TMEM268: variants seen among roughly 807,000 people sequenced by gnomAD.
TMEM268 encodes transmembrane protein C9orf91.
A neutral mutation model predicts 39.1 loss-of-function variants in TMEM268; 24 were observed. That is an observed-to-expected ratio of 0.61 (90% CI 0.44 to 0.86). TMEM268 has a LOEUF of 0.86. Ranked by LOEUF, TMEM268 falls within the 40% of genes least tolerant of loss-of-function variation. The pLI is 0.00. For missense variants in TMEM268, 409 were observed against 428.6 expected, an observed-to-expected ratio of 0.95 and a Z score of 0.40; for synonymous variants, 176 against 173.5, an observed-to-expected ratio of 1.01 and a Z score of -0.12.
chr9:114,639,358 A>T (rs1846789013), intron 8 of TMEM268, among the ~76,000 whole-genome samples: 1 of 149,746 alleles, frequency 6.7e-6, no homozygotes, highest in East Asian at 2.0e-4. Context: ...GCTGGTCTCC[A>T]ACTCCTGGGC....
At chr9:114,629,608 G>A (rs1211057855) in intron 5 of TMEM268, among the ~76,000 whole-genome samples, 1 of 152,176 alleles carries the variant, frequency 6.6e-6, no homozygotes, top group South Asian at 2.1e-4. Context: ...TGGTTTTGGC[G>A]AATAGGATTT....
In TMEM268 at chr9:114,617,190, C is replaced by T. The variant is rs779386076; in HGVS notation, c.-6C>T. The T allele has an allele frequency of 2.5e-6, 4 of 1,586,026 alleles. No individual in the cohort carries two copies. Among genetic ancestry groups the T allele is most frequent in the African/African-American group, 2.7e-5 (2 of 73,274 alleles). On this transcript the variant is annotated 5_prime_UTR_variant, in exon 2 of 9. Coordinates refer to ENST00000288502, the MANE Select transcript of TMEM268 (RefSeq NM_153045.4). ...AAGGGGAAGTAGAAACAGCTGGCGC[C>T]CTGCCATGGCCTGTGAACCACAGGT...
chr9:114,606,092 C>T, the TMEM268 span, among the ~76,000 whole-genome samples: 5 of 151,844 alleles, frequency 3.3e-5, no homozygotes, highest in East Asian at 5.8e-4. Context: ...ATGAAAAGAC[C>T]GATAGTCTAG....
rs571621768 is a variant in TMEM268, at chr9:114,629,968, C to T, written c.474+1718C>T. ...TATAAAACAAATCGAGCTGGCTACT[C>T]CTGCAGCAAGAACTTTGTCTTGGGG... On this transcript the variant is annotated intron_variant, in intron 5 of 8. Coordinates refer to ENST00000288502, the MANE Select transcript of TMEM268 (RefSeq NM_153045.4). Among the ~76,000 whole-genome samples, 12 of 152,254 alleles carry T rather than the reference C, an allele frequency of 7.9e-5. No homozygotes were observed. In the East Asian group the frequency reaches 2.3e-3, roughly 29 times the overall value.
chr9:114,611,549 G>GCC lies in TMEM268; in HGVS notation c.-94_-93insCC, dbSNP rs1268343680. On this transcript the variant is annotated 5_prime_UTR_variant, in exon 1 of 9. Coordinates refer to ENST00000288502, the MANE Select transcript of TMEM268 (RefSeq NM_153045.4). ...GTCCCGGGGTGGCGGCGGCGGCGGCGGCGGCGGCGCGGGCGGTGAGTGTGC... is the reference window on the plus strand; with the variant it reads ...GTCCCGGGGTGGCGGCGGCGGCGGCGCCGCGGCGGCGCGGGCGGTGAGTGTGC... The GCC allele has an allele frequency of 3.0e-5, 5 of 167,740 alleles. No individual in the cohort carries two copies. The East Asian group carries it at 8.6e-4, about 29-fold the overall frequency. The allele number at this position is 167,740 out of a possible 1,614,324, so 10.4% of individuals were successfully genotyped here. A position where few individuals can be genotyped will look rare whatever the true frequency, so the allele number is the denominator to read the frequency against.
chr9:114,628,194 G>T lies in TMEM268; in HGVS notation c.418G>T (p.Ala140Ser). ...HWAGMLLVTL[A>S]AVSLTLTLVL... ...GGCTGGCATGCTGCTCGTGACCCTG[G>T]CCGCGGTGAGCCTGACCTTGACTCT... The change falls in exon 5 of 9, where the codon GCC becomes TCC. Residue 140 changes from alanine (A) to serine (S), a missense_variant. Coordinates refer to ENST00000288502, the MANE Select transcript of TMEM268 (RefSeq NM_153045.4). 6.2e-7 allele frequency: 1 copy of T among 1,614,164 alleles called. No individual in the cohort carries two copies. Among genetic ancestry groups the T allele is most frequent in the Non-Finnish European group, 8.5e-7 (1 of 1,180,028 alleles).
In TMEM268 at chr9:114,643,235, T is replaced by C; in HGVS notation, c.951T>C (p.Ser317=). 1.2e-6 allele frequency: 2 copies of C among 1,614,096 alleles called. No homozygotes were observed. The highest frequency in any genetic ancestry group is 1.7e-6 in the Non-Finnish European group (2 of 1,180,004). Residue 317 remains serine, a synonymous_variant, in exon 9 of 9, where the codon TCT becomes TCC. Coordinates refer to ENST00000288502, the MANE Select transcript of TMEM268 (RefSeq NM_153045.4). The stretch of plus-strand genomic sequence containing the variant: ...CAATGGGGACACGACACACGAACTC[T>C]CCGAGAATTCCATGCCCCTGCCAGC... ...PQAMGTRHTN[S]PRIPCPCQLI...
At position 114,628,152 on chromosome 9, in the gene TMEM268, GC is replaced by G. The variant is rs1846237714; in HGVS notation, c.378del (p.Leu127TrpfsTer11). ...TATCTACTCTACCAGTCAGATGTTT[GC>G]CTTGGGGAACCACTGGGCTGGCATG... ...ANIYSTSQMFALGNHWAGMLL... is the reference protein window; with the variant it reads ...ANIYSTSQMFXLGNHWAGMLL... On this transcript the variant is annotated frameshift_variant, in exon 5 of 9. Transcript: ENST00000288502. LOFTEE classifies it high-confidence loss of function. 1.2e-6 allele frequency: 2 copies of G among 1,614,052 alleles called. No homozygotes were observed. Among genetic ancestry groups the G allele is most frequent in the Admixed American group, 3.3e-5 (2 of 59,994 alleles).
chr9:114,617,020 C>T (rs1307085417), intron 1 of TMEM268, 98 bp from the exon 2 acceptor site: 2 of 520,748 alleles, frequency 3.8e-6, no homozygotes, highest in East Asian at 6.9e-5. Context: ...GGGTAACTCT[C>T]CCTGGCCTTT....
intron 1 of TMEM268, among the ~76,000 whole-genome samples, chr9:114,616,800 A>G (rs538880877): frequency 6.6e-6 from 1 of 152,244 alleles, no homozygotes; most frequent in African/African-American, 2.4e-5. Context: ...CTGTAAGGGA[A>G]CAGAAATCCC....
chr9:114,606,384 T>C (rs1268745358), upstream of TMEM268, among the ~76,000 whole-genome samples: 1 of 152,238 alleles, frequency 6.6e-6, no homozygotes, highest in Non-Finnish European at 1.5e-5. Flanking sequence ...CAGCTATGTA[T>C]TTAGTCCCAA....
At chr9:114,618,034 G>A (rs574373775) in intron 2 of TMEM268, among the ~76,000 whole-genome samples, 2 of 151,864 alleles carry the variant, frequency 1.3e-5, no homozygotes, top group Admixed American at 6.5e-5. Context: ...CCACCACCAC[G>A]CCCAGCTAAT....
intron 5 of TMEM268, among the ~76,000 whole-genome samples, chr9:114,629,355 C>G (rs1846292947): frequency 6.6e-6 from 1 of 152,236 alleles, no homozygotes. Context: ...CCTAGTGGTC[C>G]TCTGCATTCC....
At position 114,633,666 on chromosome 9, in the gene TMEM268, C is replaced by T. The variant is rs1344272483; in HGVS notation, c.475-102C>T. On this transcript the variant is annotated intron_variant, in intron 5 of 8. Transcript: ENST00000288502. ...GACAGTCCTGAGGGTGGGGATTGTC[C>T]CTTGGCATCTGGGGGTGGGATGGTG... is the stretch of plus-strand genomic sequence containing the variant. 5.2e-6 allele frequency: 3 copies of T among 575,434 alleles called. 1 individual carries two copies. Among genetic ancestry groups the T allele is most frequent in the South Asian group, 4.9e-5 (2 of 40,838 alleles). 35.6% of individuals were successfully genotyped at this position (575,434 alleles called of 1,614,324 possible).
At chr9:114,625,258 A>G (rs1458104718) in intron 3 of TMEM268, among the ~76,000 whole-genome samples, 5 of 152,162 alleles carry the variant, frequency 3.3e-5, no homozygotes, top group South Asian at 2.1e-4. Context: ...GTAAATGCTC[A>G]ATACATTGTA....
chr9:114,630,157 T>C (rs1365305282), intron 5 of TMEM268, among the ~76,000 whole-genome samples: 2 of 152,218 alleles, frequency 1.3e-5, no homozygotes, highest in Admixed American at 1.3e-4. Flanking sequence ...TCAGCTGGTA[T>C]TTATGAAGCC....
intron 7 of TMEM268, among the ~76,000 whole-genome samples, chr9:114,638,220 T>G (rs1846726140): frequency 6.6e-6 from 1 of 152,204 alleles, no homozygotes; most frequent in South Asian, 2.1e-4. Flanking sequence ...TTTTGTATTT[T>G]TAGTGGTGAC....
chr9:114,611,273 C>A (rs1048843303), upstream of TMEM268: 2 of 152,190 alleles, frequency 1.3e-5, no homozygotes, highest in African/African-American at 4.8e-5. Context: ...TTCCGGCGTC[C>A]CGGGGGGGCG....
chr9:114,606,192 C>A, the TMEM268 span, among the ~76,000 whole-genome samples: 1 of 152,186 alleles, frequency 6.6e-6, no homozygotes, highest in Non-Finnish European at 1.5e-5. Context: ...TCTGACTCTT[C>A]TGACCCTGGC....
Sources: gnomAD v4.1 joint callset for allele counts (sites outside exome capture counted in the v4.1 genomes callset) on GRCh38, gnomAD v4.1.1 for gene constraint, MANE v1.5 for transcripts, NCBI Gene and HGNC (gene_info 2026-07-23, HGNC 2026-07-21) for gene names.